The following MICAL3 variants were observed in gnomAD, a reference collection of about 807,000 sequenced individuals.
MICAL3 encodes the protein microtubule associated monooxygenase, calponin and LIM domain containing 3.
A neutral mutation model predicts 207.4 loss-of-function variants in MICAL3; 62 were observed. The ratio of observed to expected loss-of-function variants is 0.30; its 90% confidence interval spans 0.24 to 0.37. MICAL3 has a LOEUF of 0.37. Ranked by LOEUF, MICAL3 falls within the 10% of genes least tolerant of loss-of-function variation. The probability of loss-of-function intolerance (pLI) is 1.00; values close to 1 mark genes in which losing one functional copy is unlikely to be tolerated. For missense variants in MICAL3, 2,368 were observed against 2,635.6 expected (o/e 0.90, Z 2.22); for synonymous variants, 1,077 against 1,069.3 (o/e 1.01, Z -0.14).
intron 19 of MICAL3, among the ~76,000 whole-genome samples, chr22:17,858,278 G>A (rs961433762): frequency 3.3e-5 from 5 of 152,156 alleles, no homozygotes; most frequent in African/African-American, 9.7e-5. Flanking sequence ...GTGGTGAGAG[G>A]AGCCCACAGT....
At chr22:17,849,898 G>A (rs575350679) in intron 19 of MICAL3, among the ~76,000 whole-genome samples, 25 of 151,666 alleles carry the variant, frequency 1.6e-4, no homozygotes, top group South Asian at 8.4e-4. Context: ...TCACTATGTT[G>A]GCCAGGCTGG....
At chr22:17,933,075 T>C (rs973222446) in intron 1 of MICAL3, among the ~76,000 whole-genome samples, 3 of 152,122 alleles carry the variant, frequency 2.0e-5, no homozygotes, top group African/African-American at 7.2e-5. Context: ...GACAGAAGGT[T>C]AACCAGGATA....
intron 22 of MICAL3, among the ~76,000 whole-genome samples, chr22:17,826,942 G>A (rs923012446): frequency 2.6e-5 from 4 of 152,230 alleles, no homozygotes; most frequent in African/African-American, 9.6e-5. Context: ...GGCAGGGGGT[G>A]TGGCCCGTGA....
At chr22:17,926,826 G>A (rs908920516) in intron 1 of MICAL3, among the ~76,000 whole-genome samples, 3 of 152,172 alleles carry the variant, frequency 2.0e-5, no homozygotes, top group Non-Finnish European at 2.9e-5. Context: ...CCTTTCTAAC[G>A]TCACTGCATT....
At chr22:17,830,796 A>G (rs146462871) in intron 21 of MICAL3, among the ~76,000 whole-genome samples, 30 of 152,232 alleles carry the variant, frequency 2.0e-4, no homozygotes, top group Non-Finnish European at 4.0e-4. Context: ...AGCCCGAGGA[A>G]GTCCCTGACG....
intron 21 of MICAL3, among the ~76,000 whole-genome samples, chr22:17,830,279 A>G (rs1186661872): frequency 6.6e-6 from 1 of 152,154 alleles, no homozygotes; most frequent in Non-Finnish European, 1.5e-5. Flanking sequence ...CGGCTGCCCG[A>G]CAGACACACC....
chr22:17,806,824 T>G (rs1310855278), intron 29 of MICAL3, among the ~76,000 whole-genome samples: 2 of 152,238 alleles, frequency 1.3e-5, no homozygotes, highest in East Asian at 3.8e-4. Context: ...GAAATGTGAT[T>G]ATCTAATGAC....
intron 19 of MICAL3, among the ~76,000 whole-genome samples, chr22:17,842,748 A>G (rs1924171986): frequency 2.0e-5 from 3 of 152,064 alleles, no homozygotes; most frequent in African/African-American, 7.2e-5. Context: ...GCGTCCTTTC[A>G]CCCTGTGGTT....
At chr22:17,832,343 C>T (rs995918710) in intron 20 of MICAL3, among the ~76,000 whole-genome samples, 17 of 152,194 alleles carry the variant, frequency 1.1e-4, no homozygotes, top group African/African-American at 3.6e-4. Context: ...GCTCACAGAC[C>T]TCACGCACTT....
At chr22:17,932,057 G>T (rs1180591565) in intron 1 of MICAL3, among the ~76,000 whole-genome samples, 1 of 152,192 alleles carries the variant, frequency 6.6e-6, no homozygotes, top group Non-Finnish European at 1.5e-5. Context: ...TGCTAGAAAG[G>T]ATATGCACAG....
chr22:17,920,437 AGG>A (rs1932776113), intron 1 of MICAL3, among the ~76,000 whole-genome samples: 1 of 152,102 alleles, frequency 6.6e-6, no homozygotes, highest in African/African-American at 2.4e-5. Context: ...CACTCCACTG[AGG>A]GTGACGGTGG....
rs995899587 is a variant in MICAL3 at position 17,787,686 on chromosome 22, CATT to C, written c.*3043_*3045del. 3 of 152,260 alleles carry C rather than the reference CATT, an allele frequency of 2.0e-5. No individual in the cohort carries two copies. The highest frequency in any genetic ancestry group is 7.2e-5 in the African/African-American group (3 of 41,470). The allele number at this position is 152,260 out of a possible 1,614,324, so 9.4% of individuals were successfully genotyped here. ...ACTTTTATTTTGCATAAAACAGACC[CATT>C]CCCTTTGTGGGTCAGATGTTACCAC... On this transcript the variant is annotated 3_prime_UTR_variant, in exon 32 of 32. Coordinates refer to ENST00000441493, the MANE Select transcript of MICAL3 (RefSeq NM_015241.3).
chr22:17,884,378 T>G, intron 16 of MICAL3: 1 of 1,574,550 alleles, frequency 6.4e-7, no homozygotes, highest in African/African-American at 1.4e-5. Flanking sequence ...ACAGGCCAAG[T>G]GTGGGTGGGG....
chr22:17,851,345 A>G (rs963889580), intron 19 of MICAL3, among the ~76,000 whole-genome samples: 3 of 152,064 alleles, frequency 2.0e-5, no homozygotes, highest in Admixed American at 2.0e-4. Context: ...TTCCGGCTCC[A>G]CTTGACACCC....
rs374089859 is a variant in MICAL3, at chr22:17,964,176, T to A, written c.-74-57290A>T. Among the ~76,000 whole-genome samples, 69 of 152,232 alleles carry A rather than the reference T, an allele frequency of 4.5e-4. 1 individual carries two copies. In the South Asian group the frequency reaches 0.014, roughly 32 times the overall value. On this transcript the variant is annotated intron_variant, in intron 1 of 31. Coordinates refer to ENST00000441493, the MANE Select transcript of MICAL3 (RefSeq NM_015241.3). ...CTGGAATTCCGTGTTCTAACAAGAA[T>A]GAAGAAAAGAGCCAATCAAGACCCA... is the stretch of plus-strand genomic sequence containing the variant.
At chr22:18,012,373 T>C (rs5747442) in intron 1 of MICAL3, among the ~76,000 whole-genome samples, 97,242 of 152,138 alleles carry the variant, frequency 0.64, 31,665 homozygotes, top group East Asian at 0.91. Context: ...GGTACCACTG[T>C]TGACTCTACT....
intron 19 of MICAL3, among the ~76,000 whole-genome samples, chr22:17,849,763 C>T (rs1370948808): frequency 2.8e-5 from 4 of 144,292 alleles, no homozygotes; most frequent in African/African-American, 1.0e-4. Context: ...GGTGCAACCT[C>T]GGCTCACTGC....
chr22:18,018,832 C>T (rs1924248587), intron 1 of MICAL3, among the ~76,000 whole-genome samples: 1 of 148,452 alleles, frequency 6.7e-6, no homozygotes, highest in African/African-American at 2.6e-5. Context: ...AAACACAAAT[C>T]TCAGGACACA....
chr22:17,994,641 G>A (rs1033568474), intron 1 of MICAL3, among the ~76,000 whole-genome samples: 1 of 151,988 alleles, frequency 6.6e-6, no homozygotes, highest in African/African-American at 2.4e-5. Flanking sequence ...TGGCCCAGGA[G>A]GTCAAGGCTG....
Sources: allele counts gnomAD v4.1 joint callset (sites outside exome capture counted in the v4.1 genomes callset), GRCh38; gene constraint gnomAD v4.1.1; transcripts MANE v1.5; gene names NCBI Gene and HGNC (gene_info 2026-07-23, HGNC 2026-07-21).